Variants in ZMAT4 observed in about 807,000 individuals in gnomAD.
The protein encoded by ZMAT4 is zinc finger matrin-type protein 4.
In ZMAT4, 17 loss-of-function variants were observed where a neutral mutation model predicts 28.7. The observed-to-expected ratio is 0.59, with a 90% CI of 0.41 to 0.89. The LOEUF (loss-of-function observed/expected upper bound fraction) is 0.89. Among genes scored for constraint, ZMAT4 ranks in the 40% least tolerant of loss-of-function variants. The pLI is 0.00. For missense variants in ZMAT4, 240 were observed against 283.8 expected, an observed-to-expected ratio of 0.85 and a Z score of 1.11; for synonymous variants, 117 against 109.2, an observed-to-expected ratio of 1.07 and a Z score of -0.44.
chr8:40,580,610 G>C (rs1427803451), intron 6 of ZMAT4, among the ~76,000 whole-genome samples: 1 of 152,076 alleles, frequency 6.6e-6, no homozygotes, highest in Non-Finnish European at 1.5e-5. Context: ...TAGGTGAAAT[G>C]GTGCCTGGTG....
intron 1 of ZMAT4, among the ~76,000 whole-genome samples, chr8:40,839,021 C>G (rs76038763): frequency 6.6e-6 from 1 of 152,124 alleles, no homozygotes; most frequent in Non-Finnish European, 1.5e-5. Flanking sequence ...CCAAATGTAC[C>G]CTGTACATAA....
chr8:40,626,736 G>A (rs1806396025), intron 5 of ZMAT4, among the ~76,000 whole-genome samples: 1 of 152,190 alleles, frequency 6.6e-6, no homozygotes, highest in African/African-American at 2.4e-5. Context: ...GATCTTTAGA[G>A]AAGGCAAAGC....
At chr8:40,748,796 C>G (rs1812340522) in intron 3 of ZMAT4, among the ~76,000 whole-genome samples, 1 of 151,766 alleles carries the variant, frequency 6.6e-6, no homozygotes, top group Non-Finnish European at 1.5e-5. Flanking sequence ...GAATACAGAC[C>G]CACTAGCTCA....
chr8:40,866,812 C>T (rs1308814723), intron 1 of ZMAT4, among the ~76,000 whole-genome samples: 2 of 152,108 alleles, frequency 1.3e-5, no homozygotes, highest in East Asian at 3.9e-4. Context: ...AACATGCATA[C>T]ACACACATGC....
At chr8:40,559,878 G>A (rs185462621) in intron 6 of ZMAT4, among the ~76,000 whole-genome samples, 1 of 152,192 alleles carries the variant, frequency 6.6e-6, no homozygotes, top group East Asian at 1.9e-4. Flanking sequence ...TCCTGAGTAT[G>A]TTAATAGAAA....
At chr8:40,733,430 T>G (rs1470115041) in intron 3 of ZMAT4, among the ~76,000 whole-genome samples, 1 of 152,234 alleles carries the variant, frequency 6.6e-6, no homozygotes, top group African/African-American at 2.4e-5. Context: ...AGTCACAATG[T>G]TAACTCACAG....
chr8:40,723,893 T>C lies in ZMAT4; in HGVS notation c.193-26492A>G, dbSNP rs879351252. Among the ~76,000 whole-genome samples, 51 of 152,172 alleles carry C rather than the reference T, an allele frequency of 3.4e-4. 1 individual carries two copies. The highest frequency in any genetic ancestry group is 3.4e-3 in the Middle Eastern group (1 of 294). ...TGAGAGCCAGCAGAGAGCTGCCACTTCCTGAAAATGCCACATGTGAAAATG... is the reference window on the plus strand; with the variant it reads ...TGAGAGCCAGCAGAGAGCTGCCACTCCCTGAAAATGCCACATGTGAAAATG... On this transcript the variant is annotated intron_variant, in intron 3 of 6. Coordinates refer to ENST00000297737, the MANE Select transcript of ZMAT4 (RefSeq NM_024645.3).
intron 5 of ZMAT4, among the ~76,000 whole-genome samples, chr8:40,667,495 G>A (rs960948816): frequency 1.3e-5 from 2 of 152,152 alleles, no homozygotes; most frequent in Non-Finnish European, 2.9e-5. Context: ...GTTGCAATGA[G>A]CGCAAGTATT....
intron 5 of ZMAT4, among the ~76,000 whole-genome samples, chr8:40,595,085 G>T (rs965458195): frequency 3.9e-5 from 6 of 152,126 alleles, no homozygotes; most frequent in Non-Finnish European, 7.4e-5. Context: ...AAAGCAAAAG[G>T]ATATATTGAA....
Position 40,739,991 on chromosome 8 carries a change from G to A in ZMAT4, c.192+27650C>T, listed in dbSNP as rs183452802. Among the ~76,000 whole-genome samples the A allele has an allele frequency of 3.2e-3, 487 of 152,260 alleles. 5 individuals carry two copies. Among genetic ancestry groups the A allele is most frequent in the African/African-American group, 0.011 (470 of 41,540 alleles). The stretch of plus-strand genomic sequence containing the variant: ...ACATGAACTCATTCTTTTTATGGCT[G>A]TTTAGTATTCCATGGTGTATATGTT... On this transcript the variant is annotated intron_variant, in intron 3 of 6. Transcript: ENST00000297737.
chr8:40,693,443 C>G (rs1324549229), intron 4 of ZMAT4, among the ~76,000 whole-genome samples: 2 of 152,150 alleles, frequency 1.3e-5, no homozygotes, highest in African/African-American at 4.8e-5. Context: ...CTATCCCAGG[C>G]ACCTCCCCAG....
intron 3 of ZMAT4, among the ~76,000 whole-genome samples, chr8:40,714,942 G>T (rs1289858109): frequency 6.6e-6 from 1 of 151,246 alleles, no homozygotes; most frequent in Non-Finnish European, 1.5e-5. Flanking sequence ...CCAGCTACTT[G>T]GGAGGCTGAG....
At chr8:40,644,025 C>G (rs575462976) in intron 5 of ZMAT4, among the ~76,000 whole-genome samples, 29 of 152,026 alleles carry the variant, frequency 1.9e-4, no homozygotes, top group African/African-American at 6.8e-4. Flanking sequence ...GTTTTTAAAC[C>G]AGGGTAATGG....
At chr8:40,801,730 A>C (rs1449207887) in intron 2 of ZMAT4, among the ~76,000 whole-genome samples, 1 of 152,168 alleles carries the variant, frequency 6.6e-6, no homozygotes, top group African/African-American at 2.4e-5. Context: ...TCCTTCTATG[A>C]GGCCAGCATT....
chr8:40,642,415 A>C (rs1470032234), intron 5 of ZMAT4, among the ~76,000 whole-genome samples: 1 of 152,246 alleles, frequency 6.6e-6, no homozygotes. Flanking sequence ...TGAGAGGGAC[A>C]TCACACATAC....
At position 40,607,443 on chromosome 8, in the gene ZMAT4, C is replaced by T. The variant is rs190512718; in HGVS notation, c.578-26182G>A. On this transcript the variant is annotated intron_variant, in intron 5 of 6. Transcript: ENST00000297737. ...CGGTGCCTGGCCTATATCTTGTATC[C>T]TTTTTAAAATTATTTCTTTGAGTTG... 9.7e-3 allele frequency among the ~76,000 whole-genome samples: 1,477 copies of T among 152,078 alleles called. 12 individuals are homozygous for T. The highest frequency in any genetic ancestry group is 0.016 in the Non-Finnish European group (1,083 of 67,988).
chr8:40,636,219 C>T lies in ZMAT4; in HGVS notation c.577+38485G>A, dbSNP rs143845502. On this transcript the variant is annotated intron_variant, in intron 5 of 6. Coordinates refer to ENST00000297737, the MANE Select transcript of ZMAT4 (RefSeq NM_024645.3). ...AAGCACACATACACATATACATACA[C>T]ACACACAGTGTGCAGCCCTTTTCAT... is the stretch of plus-strand genomic sequence containing the variant. Among the ~76,000 whole-genome samples, 359 of 152,340 alleles carry T rather than the reference C, an allele frequency of 2.4e-3. 3 individuals carry two copies. The highest frequency in any genetic ancestry group is 8.3e-3 in the African/African-American group (343 of 41,574).
At chr8:40,646,279 T>C (rs1213932731) in intron 5 of ZMAT4, among the ~76,000 whole-genome samples, 1 of 152,020 alleles carries the variant, frequency 6.6e-6, no homozygotes, top group Non-Finnish European at 1.5e-5. Flanking sequence ...GTGCTTTTTT[T>C]CATGTAATTT....
chr8:40,556,380 C>T (rs1328808928), intron 6 of ZMAT4, among the ~76,000 whole-genome samples: 1 of 152,164 alleles, frequency 6.6e-6, no homozygotes, highest in Non-Finnish European at 1.5e-5. Flanking sequence ...ACGAGCATTT[C>T]CTCCTTTATT....
Sources: gnomAD v4.1 joint callset for allele counts (sites outside exome capture counted in the v4.1 genomes callset) on GRCh38, gnomAD v4.1.1 for gene constraint, MANE v1.5 for transcripts, NCBI Gene and HGNC (gene_info 2026-07-23, HGNC 2026-07-21) for gene names.